Variants in PRKCB observed in about 807,000 individuals in gnomAD.
The protein encoded by PRKCB is protein kinase C beta type.
PRKCB carries 13 observed loss-of-function variants against 81.5 expected under a neutral mutation model. That is an observed-to-expected ratio of 0.16 (90% CI 0.10 to 0.25). PRKCB has a LOEUF of 0.25. Ranked by LOEUF, PRKCB falls within the 10% of genes least tolerant of loss-of-function variation. The probability of loss-of-function intolerance (pLI) is 1.00; values close to 1 mark genes in which losing one functional copy is unlikely to be tolerated. For synonymous variants in PRKCB, 335 were observed against 321.4 expected, an observed-to-expected ratio of 1.04 and a Z score of -0.45; for missense variants, 509 against 875.7, an observed-to-expected ratio of 0.58 and a Z score of 5.29.
At chr16:23,854,571 A>G (rs1322550776) in intron 2 of PRKCB, among the ~76,000 whole-genome samples, 1 of 152,106 alleles carries the variant, frequency 6.6e-6, no homozygotes, top group African/African-American at 2.4e-5. Flanking sequence ...GCATGGTCAT[A>G]TGCTGATGGG....
At chr16:23,965,719 C>G (rs765456482) in intron 2 of PRKCB, among the ~76,000 whole-genome samples, 9 of 152,180 alleles carry the variant, frequency 5.9e-5, no homozygotes, top group Non-Finnish European at 1.3e-4. Context: ...CTAAGCTGTC[C>G]CCTCTACCAT....
intron 2 of PRKCB, among the ~76,000 whole-genome samples, chr16:23,986,244 A>G (rs568352307): frequency 1.9e-4 from 29 of 152,128 alleles, no homozygotes; most frequent in African/African-American, 7.0e-4. Context: ...TAGTTTTTAT[A>G]TTTTTATTTA....
chr16:24,173,239 G>A (rs973896077), intron 11 of PRKCB, among the ~76,000 whole-genome samples: 1 of 152,074 alleles, frequency 6.6e-6, no homozygotes, highest in African/African-American at 2.4e-5. Context: ...ATCCCCTTCG[G>A]TTCAAAAGGC....
At chr16:24,110,230 G>T (rs542381676) in intron 7 of PRKCB, among the ~76,000 whole-genome samples, 1 of 150,766 alleles carries the variant, frequency 6.6e-6, no homozygotes, top group South Asian at 2.1e-4. Flanking sequence ...TTTTTTTCTT[G>T]AGACGGTGTC....
At chr16:24,032,069 G>A (rs999570981) in intron 3 of PRKCB, 67 bp from the exon 4 acceptor site, 28 of 1,151,496 alleles carry the variant, frequency 2.4e-5, no homozygotes, top group East Asian at 2.4e-4. Flanking sequence ...AGTGCCTCTC[G>A]ATGTAGGATG....
At chr16:24,050,380 G>A (rs1965825332) in intron 5 of PRKCB, among the ~76,000 whole-genome samples, 1 of 152,064 alleles carries the variant, frequency 6.6e-6, no homozygotes, top group Non-Finnish European at 1.5e-5. Context: ...CACCTGTGTT[G>A]CCGAGGAGCG....
intron 2 of PRKCB, among the ~76,000 whole-genome samples, chr16:23,911,917 C>G (rs565866909): frequency 1.3e-5 from 2 of 148,968 alleles, no homozygotes; most frequent in African/African-American, 5.0e-5. Flanking sequence ...CTGCAACCTC[C>G]GCCTTCTGGG....
At chr16:24,159,364 T>C (rs1436929688) in intron 10 of PRKCB, among the ~76,000 whole-genome samples, 1 of 152,180 alleles carries the variant, frequency 6.6e-6, no homozygotes, top group Non-Finnish European at 1.5e-5. Flanking sequence ...GTACATCATG[T>C]TGAGTTGCCA....
intron 3 of PRKCB, 34 bp from the exon 4 acceptor site, chr16:24,032,102 C>A: frequency 6.8e-7 from 1 of 1,481,302 alleles, no homozygotes; most frequent in African/African-American, 1.4e-5. Flanking sequence ...GCTCCACTGA[C>A]GCTGGCTCCT....
Position 24,220,083 on chromosome 16 carries a change from T to C in PRKCB, c.*5267T>C, listed in dbSNP as rs1271269402. On this transcript the variant is annotated 3_prime_UTR_variant, in exon 17 of 17. Transcript: ENST00000643927. ...AAAATGAATTTGCTGGCTTCTCTTA[T>C]ACTAACCCAGAGTTTGTCATTAATG... The C allele has an allele frequency of 1.2e-6, 2 of 1,614,180 alleles. No homozygotes were observed. Among genetic ancestry groups the C allele is most frequent in the East Asian group, 2.2e-5 (1 of 44,884 alleles).
At chr16:24,185,976 G>A (rs968576866) in intron 15 of PRKCB, among the ~76,000 whole-genome samples, 4 of 152,208 alleles carry the variant, frequency 2.6e-5, no homozygotes, top group African/African-American at 4.8e-5. Context: ...TACTAAGAGC[G>A]TGCAACTTTT....
chr16:24,055,037 A>G (rs567420247), intron 5 of PRKCB, among the ~76,000 whole-genome samples: 1 of 152,132 alleles, frequency 6.6e-6, no homozygotes, highest in Non-Finnish European at 1.5e-5. Context: ...GCTCATGACA[A>G]TTTCTCCAAG....
At chr16:24,065,966 G>A (rs1243514538) in intron 5 of PRKCB, among the ~76,000 whole-genome samples, 1 of 151,962 alleles carries the variant, frequency 6.6e-6, no homozygotes, top group Admixed American at 6.6e-5. Context: ...TGTTGATTTT[G>A]TCAGTCTTAT....
chr16:23,950,021 T>G lies in PRKCB; in HGVS notation c.206-38487T>G, dbSNP rs1964255207. ...ACCACCTCCTTCCCTCTCCTTGCAT[T>G]GCTGCTGCCCATGCTAACCGAAGGA... On this transcript the variant is annotated intron_variant, in intron 2 of 16. Transcript: ENST00000643927. 2.0e-5 allele frequency among the ~76,000 whole-genome samples: 3 copies of G among 152,092 alleles called. No individual in the cohort carries two copies. The South Asian group carries it at 6.2e-4, about 32-fold the overall frequency.
chr16:23,863,647 C>T (rs1216526788), intron 2 of PRKCB, among the ~76,000 whole-genome samples: 3 of 152,148 alleles, frequency 2.0e-5, no homozygotes, highest in Non-Finnish European at 4.4e-5. Flanking sequence ...AGTGTCTATC[C>T]TGTAAATGTA....
intron 3 of PRKCB, among the ~76,000 whole-genome samples, chr16:24,008,510 GA>G (rs1301173475): frequency 7.9e-5 from 12 of 152,124 alleles, no homozygotes; most frequent in Non-Finnish European, 1.2e-4. Flanking sequence ...TATTGTACGG[GA>G]AAAGTGTCCA....
rs1968205772 is a variant in PRKCB, at chr16:24,215,155, C to T, written c.*339C>T. 9.4e-7 allele frequency: 1 copy of T among 1,062,828 alleles called. No individual in the cohort carries two copies. Among genetic ancestry groups the T allele is most frequent in the African/African-American group, 1.7e-5 (1 of 60,226 alleles). 65.8% of individuals were successfully genotyped at this position (1,062,828 alleles called of 1,614,324 possible). A position where few individuals can be genotyped will look rare whatever the true frequency, so the allele number is the denominator to read the frequency against. ...TTTTTCTGCACTGCCATATTCACCC[C>T]CAACCATCCAATCTGTGGATAATTG... is the stretch of plus-strand genomic sequence containing the variant. On this transcript the variant is annotated 3_prime_UTR_variant, in exon 17 of 17. Transcript: ENST00000643927.
intron 2 of PRKCB, among the ~76,000 whole-genome samples, chr16:23,854,744 T>C (rs1435081186): frequency 7.1e-6 from 1 of 141,270 alleles, no homozygotes; most frequent in Non-Finnish European, 1.5e-5. Context: ...CTCCTCTTGA[T>C]GGGAGAAGCT....
intron 2 of PRKCB, among the ~76,000 whole-genome samples, chr16:23,906,641 CT>C (rs970390873): frequency 5.3e-5 from 8 of 150,908 alleles, no homozygotes; most frequent in East Asian, 3.9e-4. Flanking sequence ...ACTTTAACTT[CT>C]TTTTTTTTGC....
Sources: allele counts gnomAD v4.1 joint callset (sites outside exome capture counted in the v4.1 genomes callset), GRCh38; gene constraint gnomAD v4.1.1; transcripts MANE v1.5; gene names NCBI Gene and HGNC (gene_info 2026-07-23, HGNC 2026-07-21).